The following FAM13C variants were observed in gnomAD, a reference collection of about 807,000 sequenced individuals.
FAM13C encodes the protein family with sequence similarity 13 member C.
FAM13C carries 37 observed loss-of-function variants against 73.2 expected under a neutral mutation model. That is an observed-to-expected ratio of 0.51 (90% CI 0.39 to 0.67). FAM13C has a LOEUF of 0.67. Ranked by LOEUF, FAM13C falls within the 30% of genes least tolerant of loss-of-function variation. The pLI is 0.00. For synonymous variants in FAM13C, 246 were observed against 260.9 expected, an observed-to-expected ratio of 0.94 and a Z score of 0.55; for missense variants, 589 against 715.6, an observed-to-expected ratio of 0.82 and a Z score of 2.02.
intron 8 of FAM13C, among the ~76,000 whole-genome samples, chr10:59,268,107 A>G (rs528589814): frequency 6.6e-6 from 1 of 152,220 alleles, no homozygotes; most frequent in African/African-American, 2.4e-5. Context: ...AAATACTTTA[A>G]TGTCAAAGAA....
chr10:59,293,038 T>C (rs1356119840), intron 5 of FAM13C, among the ~76,000 whole-genome samples: 2 of 150,904 alleles, frequency 1.3e-5, no homozygotes, highest in African/African-American at 4.9e-5. Context: ...TATTCTACTC[T>C]CTACTTCTGA....
In FAM13C at chr10:59,247,472, G is replaced by T; in HGVS notation, c.*142C>A. ...CTTCTCCTTGTATATAATTAAACTT[G>T]CTATTCCTTCTTAAAAACAGCTAAT... is the stretch of plus-strand genomic sequence containing the variant. On this transcript the variant is annotated 3_prime_UTR_variant, in exon 14 of 14. Transcript: ENST00000618804. 1.0e-6 allele frequency: 1 copy of T among 962,056 alleles called. No homozygotes were observed. The highest frequency in any genetic ancestry group is 1.6e-6 in the Non-Finnish European group (1 of 625,900). 59.6% of individuals were successfully genotyped at this position (962,056 alleles called of 1,614,324 possible). A position where few individuals can be genotyped will look rare whatever the true frequency, so the allele number is the denominator to read the frequency against.
At position 59,277,094 on chromosome 10, in the gene FAM13C, G is replaced by A. The variant is rs546126618; in HGVS notation, c.592+6269C>T. Among the ~76,000 whole-genome samples, 14 of 152,262 alleles carry A rather than the reference G, an allele frequency of 9.2e-5. No homozygotes were observed. The East Asian group carries it at 2.7e-3, about 29-fold the overall frequency. The stretch of plus-strand genomic sequence containing the variant: ...ACAAGCTCATAAACCATGAAGCAGA[G>A]GTTCAATAGTGGCAGATGACTTGCA... On this transcript the variant is annotated intron_variant, in intron 6 of 13. Coordinates refer to ENST00000618804, the MANE Select transcript of FAM13C (RefSeq NM_198215.4).
intron 3 of FAM13C, among the ~76,000 whole-genome samples, chr10:59,347,539 C>T (rs928671292): frequency 6.6e-6 from 1 of 151,694 alleles, no homozygotes; most frequent in Non-Finnish European, 1.5e-5. Context: ...TAATTTTTTA[C>T]TATTATACTT....
In FAM13C at chr10:59,313,844, G is replaced by A. The variant is rs1057196832; in HGVS notation, c.443+10144C>T. On this transcript the variant is annotated intron_variant, in intron 4 of 13. Coordinates refer to ENST00000618804, the MANE Select transcript of FAM13C (RefSeq NM_198215.4). ...ATAATGAAATATGGCCAAGAGAGGCGTGAGATTATAGAGGGCAAACCAGAA... is the reference window on the plus strand; with the variant it reads ...ATAATGAAATATGGCCAAGAGAGGCATGAGATTATAGAGGGCAAACCAGAA... 3.3e-5 allele frequency among the ~76,000 whole-genome samples: 5 copies of A among 152,132 alleles called. No homozygotes were observed. The South Asian group carries it at 8.3e-4, about 25-fold the overall frequency.
At chr10:59,335,905 C>T (rs1852661829) in intron 3 of FAM13C, among the ~76,000 whole-genome samples, 1 of 152,146 alleles carries the variant, frequency 6.6e-6, no homozygotes, top group Admixed American at 6.5e-5. Context: ...GACATAGTAT[C>T]CTGGGACATC....
At chr10:59,314,430 C>T (rs1380129011) in intron 4 of FAM13C, among the ~76,000 whole-genome samples, 1 of 152,188 alleles carries the variant, frequency 6.6e-6, no homozygotes, top group African/African-American at 2.4e-5. Flanking sequence ...GTTAGGGAAT[C>T]TGTCCAAGGA....
intron 4 of FAM13C, among the ~76,000 whole-genome samples, chr10:59,319,849 G>T (rs1399399217): frequency 6.6e-6 from 1 of 152,174 alleles, no homozygotes; most frequent in African/African-American, 2.4e-5. Flanking sequence ...ATGCAGAGTA[G>T]TATAATAACC....
intron 13 of FAM13C, among the ~76,000 whole-genome samples, chr10:59,250,666 A>G (rs893756111): frequency 6.6e-6 from 1 of 152,178 alleles, no homozygotes; most frequent in Non-Finnish European, 1.5e-5. Context: ...CAAATACAAT[A>G]CCTAAATGGA....
At position 59,326,620 on chromosome 10, in the gene FAM13C, CTCATAAGAAAAGGAATA is replaced by C. The variant is rs545819259; in HGVS notation, c.325-2531_325-2515del. 3.9e-5 allele frequency among the ~76,000 whole-genome samples: 6 copies of C among 152,262 alleles called. No homozygotes were observed. In the South Asian group the frequency reaches 1.2e-3, roughly 32 times the overall value. On this transcript the variant is annotated intron_variant, in intron 3 of 13. Transcript: ENST00000618804. The stretch of plus-strand genomic sequence containing the variant: ...CCTTATGATCTTGGAAAATATTTCA[CTCATAAGAAAAGGAATA>C]AAGATTTTTAGTTTAGTTCCTTCCA...
chr10:59,360,253 A>C (rs1856228954), intron 1 of FAM13C, among the ~76,000 whole-genome samples: 1 of 152,228 alleles, frequency 6.6e-6, no homozygotes, highest in African/African-American at 2.4e-5. Flanking sequence ...CCAAGGGCAC[A>C]AACTTTTTAA....
rs1461372665 is a variant in FAM13C at position 59,352,242 on chromosome 10, C to A, written c.324+28G>T. The A allele has an allele frequency of 2.5e-6, 4 of 1,611,928 alleles. No homozygotes were observed. In the South Asian group the frequency reaches 3.3e-5, roughly 13 times the overall value. The stretch of plus-strand genomic sequence containing the variant: ...CTAGCCTAAGAATCACCCGTCTTGG[C>A]AAAAGCCTGAGAAGAGAGAGCTGCT... On this transcript the variant is annotated intron_variant, in intron 3 of 13. Coordinates refer to ENST00000618804, the MANE Select transcript of FAM13C (RefSeq NM_198215.4).
chr10:59,271,071 G>A (rs1843669279), intron 6 of FAM13C, among the ~76,000 whole-genome samples: 1 of 152,168 alleles, frequency 6.6e-6, no homozygotes, highest in Non-Finnish European at 1.5e-5. Context: ...AGAAGAAGGA[G>A]CTCTGCACCC....
intron 5 of FAM13C, among the ~76,000 whole-genome samples, chr10:59,291,211 CA>C: frequency 6.6e-6 from 1 of 152,176 alleles, no homozygotes; most frequent in East Asian, 1.9e-4. Context: ...CCACCCCTAC[CA>C]GGAGGTATAA....
At chr10:59,306,629 A>T (rs1263071515) in intron 4 of FAM13C, among the ~76,000 whole-genome samples, 1 of 152,178 alleles carries the variant, frequency 6.6e-6, no homozygotes, top group African/African-American at 2.4e-5. Flanking sequence ...CAATCCTAGC[A>T]TTTAGGGAGG....
intron 10 of FAM13C, among the ~76,000 whole-genome samples, chr10:59,262,196 C>A (rs1213966269): frequency 6.6e-6 from 1 of 152,120 alleles, no homozygotes; most frequent in African/African-American, 2.4e-5. Flanking sequence ...ACCCTGGTGT[C>A]TTTGCCATTT....
At chr10:59,308,572 TCAC>T (rs1215948741) in intron 4 of FAM13C, among the ~76,000 whole-genome samples, 2 of 141,918 alleles carry the variant, frequency 1.4e-5, no homozygotes, top group African/African-American at 5.4e-5. Flanking sequence ...CCAACCACCA[TCAC>T]CACCACCAGC....
intron 3 of FAM13C, among the ~76,000 whole-genome samples, chr10:59,325,162 G>A (rs1479315827): frequency 1.3e-5 from 2 of 152,110 alleles, no homozygotes; most frequent in Admixed American, 1.3e-4. Context: ...CAGTGAATTT[G>A]GGTCTTCTGC....
Position 59,334,960 on chromosome 10 carries a change from G to T in FAM13C, c.325-10854C>A, listed in dbSNP as rs538700938. 2.4e-3 allele frequency among the ~76,000 whole-genome samples: 372 copies of T among 152,290 alleles called. 1 individual carries two copies. The highest frequency in any genetic ancestry group is 4.8e-3 in the Non-Finnish European group (326 of 68,028). ...ACAGTAATACTCCAGTATACCTTCA[G>T]TAATACCCAAGGTGCTAGATTTGGG... On this transcript the variant is annotated intron_variant, in intron 3 of 13. Transcript: ENST00000618804.
Sources: allele counts gnomAD v4.1 joint callset (sites outside exome capture counted in the v4.1 genomes callset), GRCh38; gene constraint gnomAD v4.1.1; transcripts MANE v1.5; gene names NCBI Gene and HGNC (gene_info 2026-07-23, HGNC 2026-07-21).